The following VPS16 variants were observed in gnomAD, a reference collection of about 807,000 sequenced individuals.
The protein encoded by VPS16 is vacuolar protein sorting-associated protein 16 homolog.
In VPS16, 82 loss-of-function variants were observed where a neutral mutation model predicts 116.0. The ratio of observed to expected loss-of-function variants is 0.71; its 90% CI spans 0.59 to 0.85. The LOEUF (loss-of-function observed/expected upper bound fraction) is 0.85, where lower values mean the gene tolerates loss of function less well. Among genes scored for constraint, VPS16 ranks in the 40% least tolerant of loss-of-function variants. The pLI, the probability that VPS16 is intolerant of heterozygous loss-of-function variation, is 0.00. For missense variants in VPS16, 928 were observed against 1,090.6 expected (o/e 0.85, Z 2.10); for synonymous variants, 406 against 420.7 (o/e 0.96, Z 0.43).
intron 22 of VPS16, 21 bp from the exon 23 acceptor site, chr20:2,866,191 A>T (rs1406229576): frequency 2.5e-6 from 4 of 1,612,210 alleles, no homozygotes; most frequent in Non-Finnish European, 3.4e-6. Context: ...TTCTCCCTCC[A>T]CCCGCTTCCT....
At position 2,840,835 on chromosome 20, in the gene VPS16, G is replaced by GCCCCCCC; in HGVS notation, c.53+12_53+13insCCCCCCC. ...GGACTCTGCCTTTTACCGGTGAGCT[G>GCCCCCCC]CCCCGCCCTCCCGCCCACGGCCTGG... On this transcript the variant is annotated intron_variant, in intron 1 of 23. Transcript: ENST00000380445. The GCCCCCCC allele has an allele frequency of 2.0e-6, 3 of 1,524,300 alleles. No individual in the cohort carries two copies. The highest frequency in any genetic ancestry group is 1.2e-5 in the South Asian group (1 of 83,452). The allele number at this position is 1,524,300 out of a possible 1,614,324, so 94.4% of individuals were successfully genotyped here.
At position 2,863,936 on chromosome 20, in the gene VPS16, G is replaced by C. The variant is rs770008498; in HGVS notation, c.1477-13G>C. ...GGCATCCAGATGTTTGTGACACCCC[G>C]CATCCCTTGCAGGTGCAACAGAAGG... On this transcript the variant is annotated splice_polypyrimidine_tract_variant and intron_variant, in intron 15 of 23. Transcript: ENST00000380445. This position sits in a 1 kb window ranked among gnomAD's most constrained non-coding sequence, Gnocchi z 4.4. 6.2e-7 allele frequency: 1 copy of C among 1,612,228 alleles called. No individual in the cohort carries two copies. Among genetic ancestry groups the C allele is most frequent in the South Asian group, 1.1e-5 (1 of 90,944 alleles).
chr20:2,856,390 G>T (rs963183735), intron 1 of VPS16, among the ~76,000 whole-genome samples: 1 of 152,186 alleles, frequency 6.6e-6, no homozygotes, highest in Admixed American at 6.5e-5. Context: ...GGAATATTGC[G>T]AGAATTACCA....
Position 2,864,512 on chromosome 20 carries a change from G to A in VPS16, c.1819-35G>A, listed in dbSNP as rs750792929. On this transcript the variant is annotated intron_variant, in intron 18 of 23. Transcript: ENST00000380445. This position sits in a 1 kb window ranked among gnomAD's most constrained non-coding sequence, Gnocchi z 5.2. ...GTGTAGCCTTCTGAGCACTTGAGTTGGCCTTGCTGACTGATTGCCTGCCTG... is the reference window on the plus strand; with the variant it reads ...GTGTAGCCTTCTGAGCACTTGAGTTAGCCTTGCTGACTGATTGCCTGCCTG... 66 of 1,613,914 alleles carry A rather than the reference G, an allele frequency of 4.1e-5. No homozygotes were observed. The highest frequency in any genetic ancestry group is 5.5e-5 in the Non-Finnish European group (65 of 1,179,956).
At chr20:2,851,625 G>A (rs1296922105) in intron 1 of VPS16, among the ~76,000 whole-genome samples, 1 of 150,426 alleles carries the variant, frequency 6.6e-6, no homozygotes, top group African/African-American at 2.5e-5. Flanking sequence ...TTGCTCCATT[G>A]CACTCCAGCC....
rs763886242 is a variant in VPS16, at chr20:2,864,187, G to A, written c.1620G>A (p.Glu540=). The A allele has an allele frequency of 6.2e-7, 1 of 1,614,238 alleles. No homozygotes were observed. Among genetic ancestry groups the A allele is most frequent in the South Asian group, 1.1e-5 (1 of 91,088 alleles). Residue 540 remains glutamate (E), a synonymous_variant, in exon 17 of 24, where the codon GAG becomes GAA. Coordinates refer to ENST00000380445, the MANE Select transcript of VPS16 (RefSeq NM_022575.4). The surrounding 1 kb of genome is among the most constrained non-coding windows in gnomAD (Gnocchi z 5.2). The part of the protein sequence containing the change: ...GRTELAIKLL[E]YEPRSGEQVP... ...TCCTTCTCACCTCACAGCTGCTGGA[G>A]TATGAGCCACGCTCAGGGGAGCAGG... is the stretch of plus-strand genomic sequence containing the variant.
intron 1 of VPS16, among the ~76,000 whole-genome samples, chr20:2,856,772 C>G (rs994961530): frequency 6.6e-6 from 1 of 152,140 alleles, no homozygotes; most frequent in African/African-American, 2.4e-5. Flanking sequence ...TTGCTCAATT[C>G]TGAGATCTTT....
At chr20:2,845,427 A>T (rs1486540378) in intron 1 of VPS16, among the ~76,000 whole-genome samples, 1 of 152,070 alleles carries the variant, frequency 6.6e-6, no homozygotes, top group Non-Finnish European at 1.5e-5. Flanking sequence ...AAGATACATT[A>T]TATACTCCTG....
At position 2,860,646 on chromosome 20, in the gene VPS16, A is replaced by G. The variant is rs2089218108; in HGVS notation, c.514+53A>G. On this transcript the variant is annotated intron_variant, in intron 5 of 23. Coordinates refer to ENST00000380445, the MANE Select transcript of VPS16 (RefSeq NM_022575.4). This position sits in a 1 kb window ranked among gnomAD's most constrained non-coding sequence, Gnocchi z 6.1. ...AAGCAGTACCCACAGATGTGCCTCT[A>G]GCCTGTGAGACCCATAAAAACAGAA... 6.2e-7 allele frequency: 1 copy of G among 1,610,994 alleles called. No individual in the cohort carries two copies. Among genetic ancestry groups the G allele is most frequent in the Non-Finnish European group, 8.5e-7 (1 of 1,178,494 alleles).
rs1302335902 is a variant in VPS16 at position 2,866,445 on chromosome 20, T to C, written c.2391T>C (p.Ala797=). Residue 797 remains alanine (A), a synonymous_variant, in exon 24 of 24, where the codon GCT becomes GCC. Coordinates refer to ENST00000380445, the MANE Select transcript of VPS16 (RefSeq NM_022575.4). ...ALLLVGDVAQ[A]ADVAIEHRNE... ...CAAACCACAGCGATGTGGCTCAGGCTGCAGATGTGGCCATCGAACACCGGA... is the reference window on the plus strand; with the variant it reads ...CAAACCACAGCGATGTGGCTCAGGCCGCAGATGTGGCCATCGAACACCGGA... The C allele has an allele frequency of 1.2e-6, 2 of 1,614,166 alleles. No individual in the cohort carries two copies. The highest frequency in any genetic ancestry group is 2.2e-5 in the East Asian group (1 of 44,878).
At chr20:2,848,913 G>A (rs1437085701) in intron 1 of VPS16, among the ~76,000 whole-genome samples, 2 of 152,170 alleles carry the variant, frequency 1.3e-5, no homozygotes, top group Non-Finnish European at 2.9e-5. Context: ...CTTGTAGGCT[G>A]GTTCCTCTGG....
At chr20:2,841,977 A>G (rs1230410960) in intron 1 of VPS16, among the ~76,000 whole-genome samples, 1 of 151,964 alleles carries the variant, frequency 6.6e-6, no homozygotes, top group Non-Finnish European at 1.5e-5. Context: ...CTGGTCTTGA[A>G]CTTCTGACCT....
At chr20:2,857,022 A>G (rs1432345257) in intron 1 of VPS16, among the ~76,000 whole-genome samples, 1 of 151,078 alleles carries the variant, frequency 6.6e-6, no homozygotes, top group South Asian at 2.1e-4. Flanking sequence ...CAGTCGCCCA[A>G]GCTGGAGTGC....
In VPS16 at chr20:2,860,558, G is replaced by C. The variant is rs1343599880; in HGVS notation, c.479G>C (p.Gly160Ala). 1.9e-6 allele frequency: 3 copies of C among 1,613,868 alleles called. No individual in the cohort carries two copies. Among genetic ancestry groups the C allele is most frequent in the Non-Finnish European group, 2.5e-6 (3 of 1,180,008 alleles). The change falls in exon 5 of 24, where the codon GGT becomes GCT. Residue 160 changes from glycine to alanine, a missense_variant. Coordinates refer to ENST00000380445, the MANE Select transcript of VPS16 (RefSeq NM_022575.4). The surrounding 1 kb of genome is among the most constrained non-coding windows in gnomAD (Gnocchi z 6.1). ...AHRFTLSANV[G>A]DLKLRRMPEV... ...CGCTTCACCCTCAGTGCCAATGTGG[G>C]TGACCTCAAACTCCGCCGGATGCCA...
chr20:2,845,898 A>G (rs866232092), intron 1 of VPS16, among the ~76,000 whole-genome samples: 1 of 152,190 alleles, frequency 6.6e-6, no homozygotes, highest in Non-Finnish European at 1.5e-5. Flanking sequence ...TTCACTTAGC[A>G]TAATATCTTC....
At chr20:2,862,399 C>A (rs2089240601) in intron 11 of VPS16, 180 bp from the exon 12 acceptor site, 4 of 1,303,658 alleles carry the variant, frequency 3.1e-6, no homozygotes, top group Non-Finnish European at 4.1e-6. Context: ...CAGCTGTGGG[C>A]TGATACGAGA....
chr20:2,862,833 G>GGACA lies in VPS16; in HGVS notation c.1233_1236dup (p.Phe413GlnfsTer32). On this transcript the variant is annotated frameshift_variant, in exon 13 of 24. Transcript: ENST00000380445. LOFTEE classifies it high-confidence loss of function. ...CCGCCTCCTTCGGAAAGTGTTTCCTGGACAGATTTCCACCCGACAGCTTCG... is the reference window on the plus strand; with the variant it reads ...CCGCCTCCTTCGGAAAGTGTTTCCTGGACAGACAGATTTCCACCCGACAGCTTCG... 6.2e-7 allele frequency: 1 copy of GGACA among 1,614,102 alleles called. No individual in the cohort carries two copies. Among genetic ancestry groups the GGACA allele is most frequent in the South Asian group, 1.1e-5 (1 of 91,090 alleles).
In VPS16 at chr20:2,864,882, C is replaced by A; in HGVS notation, c.1927-96C>A. The A allele has an allele frequency of 6.4e-7, 1 of 1,552,572 alleles. No homozygotes were observed. The highest frequency in any genetic ancestry group is 8.9e-7 in the Non-Finnish European group (1 of 1,129,314). On this transcript the variant is annotated intron_variant, in intron 19 of 23. Transcript: ENST00000380445. This position sits in a 1 kb window ranked among gnomAD's most constrained non-coding sequence, Gnocchi z 5.2. ...AGCAGGCAAGGCTGACCCTGGCGAC[C>A]CTGGGCACAGGGATGGGGGAGAAGA...
At position 2,848,563 on chromosome 20, in the gene VPS16, A is replaced by G. The variant is rs2089085224; in HGVS notation, c.53+7736A>G. ...GCTGCATCTTATAAGAAAGAACCCC[A>G]CCCTTTTGAGGACATTGTCTTGCAA... On this transcript the variant is annotated intron_variant, in intron 1 of 23. Coordinates refer to ENST00000380445, the MANE Select transcript of VPS16 (RefSeq NM_022575.4). Among the ~76,000 whole-genome samples, 3 of 152,210 alleles carry G rather than the reference A, an allele frequency of 2.0e-5. No homozygotes were observed. In the South Asian group the frequency reaches 6.2e-4, roughly 32 times the overall value.
Sources: allele counts gnomAD v4.1 joint callset (sites outside exome capture counted in the v4.1 genomes callset), GRCh38; gene constraint gnomAD v4.1.1; non-coding constraint Gnocchi (gnomAD v3.1); transcripts MANE v1.5; gene names NCBI Gene and HGNC (gene_info 2026-07-23, HGNC 2026-07-21).